Variants in TYRP1 observed in about 807,000 individuals in gnomAD.
TYRP1 encodes 5,6-dihydroxyindole-2-carboxylic acid oxidase.
Under a neutral mutation model 42.8 loss-of-function variants are expected in TYRP1, and 49 were observed. That is an observed-to-expected ratio of 1.14 (90% CI 0.91 to 1.45). TYRP1 has a LOEUF of 1.45. Ranked by LOEUF, TYRP1 falls within the 40% of genes most tolerant of loss-of-function variation. TYRP1 has a pLI of 0.00. For missense variants in TYRP1, 848 were observed against 662.0 expected (o/e 1.28, Z -3.08); for synonymous variants, 279 against 235.4 (o/e 1.19, Z -1.69).
At chr9:12,702,248 CCA>C in intron 4 of TYRP1, 21 bp from the exon 5 acceptor site, 1 of 1,612,148 alleles carries the variant, frequency 6.2e-7, no homozygotes, top group Non-Finnish European at 8.5e-7. Context: ...GTAAATGTTT[CCA>C]CATCCCATTT....
rs139169674 is a variant in TYRP1, at chr9:12,698,750, C to T, written c.913+95C>T. 2.2e-4 allele frequency: 264 copies of T among 1,184,142 alleles called. 1 individual carries two copies. The African/African-American group carries it at 3.7e-3, about 17-fold the overall frequency. 73.4% of individuals were successfully genotyped at this position (1,184,142 alleles called of 1,614,324 possible). ...AGGCCCTTCATTCTACTAGAGAATTCAGACTAAAATCTACTTTTATTATAG... is the reference window on the plus strand; with the variant it reads ...AGGCCCTTCATTCTACTAGAGAATTTAGACTAAAATCTACTTTTATTATAG... On this transcript the variant is annotated intron_variant, in intron 4 of 7. Coordinates refer to ENST00000388918, the MANE Select transcript of TYRP1 (RefSeq NM_000550.3).
chr9:12,693,600 C>T, intron 1 of TYRP1, 122 bp downstream of exon 1: 1 of 185,378 alleles, frequency 5.4e-6, no homozygotes, highest in Non-Finnish European at 1.1e-5. Flanking sequence ...CCTTCAGCTC[C>T]AAGGTTAAAT....
chr9:12,704,093 A>G lies in TYRP1; in HGVS notation c.1082-433A>G, dbSNP rs559435765. Among the ~76,000 whole-genome samples, 123 of 152,140 alleles carry G rather than the reference A, an allele frequency of 8.1e-4. 4 individuals carry two copies. In the South Asian group the frequency reaches 0.025, roughly 31 times the overall value. ...AATAAACGTGCTAACAGTCATTCAA[A>G]AATAAGGTAGGAGGCTGAAGTAACA... On this transcript the variant is annotated intron_variant, in intron 5 of 7. Coordinates refer to ENST00000388918, the MANE Select transcript of TYRP1 (RefSeq NM_000550.3).
chr9:12,703,099 A>G (rs1025686870), intron 5 of TYRP1, among the ~76,000 whole-genome samples: 1 of 152,134 alleles, frequency 6.6e-6, no homozygotes, highest in Non-Finnish European at 1.5e-5. Flanking sequence ...GTGTCTTTGT[A>G]TAATAAATTT....
At chr9:12,700,822 TA>T (rs1818154838) in intron 4 of TYRP1, among the ~76,000 whole-genome samples, 1 of 152,062 alleles carries the variant, frequency 6.6e-6, no homozygotes, top group Non-Finnish European at 1.5e-5. Flanking sequence ...ATTGATAGTC[TA>T]GCTAGTGATG....
Position 12,698,431 on chromosome 9 carries a change from A to C in TYRP1, c.709-20A>C. The C allele has an allele frequency of 6.2e-7, 1 of 1,603,988 alleles. No individual in the cohort carries two copies. The highest frequency in any genetic ancestry group is 8.5e-7 in the Non-Finnish European group (1 of 1,171,016). ...TTGTAAACAGAAGCAGAGAGTATTA[A>C]TGTGGTTTCTGTGATCTAGGAAATG... On this transcript the variant is annotated intron_variant, in intron 3 of 7. Transcript: ENST00000388918.
At position 12,704,586 on chromosome 9, in the gene TYRP1, A is replaced by G; in HGVS notation, c.1142A>G (p.His381Arg). The change falls in exon 6 of 8, where the codon CAT (histidine) becomes CGT (arginine). Residue 381 changes from histidine (H) to arginine (R), a missense_variant. By Grantham distance (29) the His-to-Arg change is conservative (BLOSUM62 0). Coordinates refer to ENST00000388918, the MANE Select transcript of TYRP1 (RefSeq NM_000550.3). ...PAVRSLHNLA[H>R]LFLNGTGGQT... ...GTTCGAAGTCTTCACAATTTGGCTCATCTATTCCTGAATGGAACAGGGGGA... is the reference window on the plus strand; with the variant it reads ...GTTCGAAGTCTTCACAATTTGGCTCGTCTATTCCTGAATGGAACAGGGGGA... 10 of 1,613,158 alleles carry G rather than the reference A, an allele frequency of 6.2e-6. No individual in the cohort carries two copies. The highest frequency in any genetic ancestry group is 8.5e-6 in the Non-Finnish European group (10 of 1,179,500).
In TYRP1 at chr9:12,709,394, G is replaced by GTGAA; in HGVS notation, c.*216_*219dup. ...TTAATTTTCAGTTCTATTTAAAATG[G>GTGAA]TGAATGACACTAAACTCCATGATAT... On this transcript the variant is annotated 3_prime_UTR_variant, in exon 8 of 8. Transcript: ENST00000388918. The GTGAA allele has an allele frequency of 1.7e-6, 1 of 571,602 alleles. No individual in the cohort carries two copies. Among genetic ancestry groups the GTGAA allele is most frequent in the South Asian group, 2.0e-5 (1 of 50,238 alleles). 35.4% of individuals were successfully genotyped at this position (571,602 alleles called of 1,614,324 possible). A position where few individuals can be genotyped will look rare whatever the true frequency, so the allele number is the denominator to read the frequency against.
intron 4 of TYRP1, 123 bp downstream of exon 4, chr9:12,698,778 T>C (rs2118234648): frequency 1.1e-6 from 1 of 942,708 alleles, no homozygotes; most frequent in South Asian, 1.4e-5. Flanking sequence ...TATTATAGAG[T>C]AACAGTGTAC....
intron 2 of TYRP1, among the ~76,000 whole-genome samples, chr9:12,695,045 C>G (rs1453855660): frequency 2.0e-5 from 3 of 151,990 alleles, no homozygotes; most frequent in Non-Finnish European, 4.4e-5. Flanking sequence ...ACTTTCAATT[C>G]TGTAAAGCAA....
chr9:12,694,733 A>C (rs1818049268), intron 2 of TYRP1, among the ~76,000 whole-genome samples: 1 of 152,204 alleles, frequency 6.6e-6, no homozygotes, highest in African/African-American at 2.4e-5. Context: ...CACAGGTGAT[A>C]TTTAGTAAAC....
At chr9:12,708,927 A>C in intron 7 of TYRP1, 50 bp from the exon 8 acceptor site, 1 of 1,501,808 alleles carries the variant, frequency 6.7e-7, no homozygotes, top group Non-Finnish European at 9.2e-7. Flanking sequence ...CTTTTTGGTG[A>C]TAACTATTTT....
intron 6 of TYRP1, 97 bp from the exon 7 acceptor site, chr9:12,707,900 A>T (rs1366903267): frequency 8.2e-7 from 1 of 1,224,608 alleles, no homozygotes; most frequent in Non-Finnish European, 1.1e-6. Flanking sequence ...AAATTTTTTC[A>T]GGTTCTCCTT....
In TYRP1 at chr9:12,702,318, A is replaced by G. The variant is rs1296825628; in HGVS notation, c.961A>G (p.Arg321Gly). The change falls in exon 5 of 8, where the codon AGA (arginine) becomes GGA (glycine). Residue 321 changes from arginine to glycine, a missense_variant. Transcript: ENST00000388918. ...IRRNPAGNVA[R>G]PMVQRLPEPQ... is the part of the protein sequence containing the mutation. ...GAGAAATCCAGCTGGAAATGTGGCC[A>G]GACCAATGGTGCAACGTCTTCCTGA... 1.9e-6 allele frequency: 3 copies of G among 1,613,138 alleles called. No homozygotes were observed. Among genetic ancestry groups the G allele is most frequent in the Non-Finnish European group, 2.5e-6 (3 of 1,179,516 alleles).
At chr9:12,706,491 T>G (rs1451002912) in intron 6 of TYRP1, among the ~76,000 whole-genome samples, 1 of 152,076 alleles carries the variant, frequency 6.6e-6, no homozygotes, top group East Asian at 1.9e-4. Flanking sequence ...TTTCTGACAT[T>G]TTCTTTGTTT....
intron 5 of TYRP1, 43 bp downstream of exon 5, chr9:12,702,481 G>C (rs1259004587): frequency 6.3e-7 from 1 of 1,589,942 alleles, no homozygotes; most frequent in East Asian, 2.3e-5. Context: ...CTAGTTATCA[G>C]AGAAAACTGA....
intron 6 of TYRP1, 122 bp downstream of exon 6, chr9:12,704,827 T>C: frequency 1.0e-6 from 1 of 966,352 alleles, no homozygotes; most frequent in Non-Finnish European, 1.6e-6. Flanking sequence ...ATAGCATAGC[T>C]GTAATATCAA....
chr9:12,708,253 G>A, intron 7 of TYRP1, 110 bp downstream of exon 7: 2 of 1,357,910 alleles, frequency 1.5e-6, no homozygotes, highest in South Asian at 1.3e-5. Context: ...TTTGGACTTG[G>A]AAACTTTCAT....
Position 12,698,625 on chromosome 9 carries a change from G to T in TYRP1, c.883G>T (p.Asp295Tyr). The T allele has an allele frequency of 6.2e-7, 1 of 1,613,730 alleles. No homozygotes were observed. Among genetic ancestry groups the T allele is most frequent in the East Asian group, 2.2e-5 (1 of 44,846 alleles). The change falls in exon 4 of 8, where the codon GAT (aspartate) becomes TAT (tyrosine). Residue 295 changes from aspartate (D) to tyrosine (Y), a missense_variant. Physicochemically the swap from Asp to Tyr is radical, Grantham distance 160. Transcript: ENST00000388918. The part of the protein sequence containing the change: ...QWRVVCDSLE[D>Y]YDTLGTLCNS... ...GCGAGTGGTCTGTGACTCCTTGGAAGATTATGATACCCTGGGAACACTTTG... is the reference window on the plus strand; with the variant it reads ...GCGAGTGGTCTGTGACTCCTTGGAATATTATGATACCCTGGGAACACTTTG...
Sources: gnomAD v4.1 joint callset for allele counts (sites outside exome capture counted in the v4.1 genomes callset) on GRCh38, gnomAD v4.1.1 for gene constraint, MANE v1.5 for transcripts, NCBI Gene and HGNC (gene_info 2026-07-23, HGNC 2026-07-21) for gene names.